ZBTB11: variants seen among roughly 807,000 people sequenced by gnomAD.
The protein encoded by ZBTB11 is zinc finger and BTB domain-containing protein 11.
Under a neutral mutation model 113.1 loss-of-function variants are expected in ZBTB11, and 68 were observed. That is an observed-to-expected ratio of 0.60 (90% CI 0.49 to 0.74). The LOEUF is 0.74. Ranked by LOEUF, ZBTB11 falls within the 30% of genes least tolerant of loss-of-function variation. ZBTB11 has a pLI of 0.00. For missense variants in ZBTB11, 1,104 were observed against 1,279.4 expected (o/e 0.86, Z 2.09); for synonymous variants, 518 against 452.6 (o/e 1.14, Z -1.83).
Position 101,656,260 on chromosome 3 carries a change from CA to C in ZBTB11, c.2047-13del, listed in dbSNP as rs753373052. 9.7e-6 allele frequency: 14 copies of C among 1,449,554 alleles called. No homozygotes were observed. The highest frequency in any genetic ancestry group is 1.0e-5 in the Non-Finnish European group (11 of 1,095,162). The allele number at this position is 1,449,554 out of a possible 1,614,324, so 89.8% of individuals were successfully genotyped here. ...GTCTTTCCACAGACCTAAGATAGAA[CA>C]GGGGTGATTAAGTCAATAAAACAAA... is the stretch of plus-strand genomic sequence containing the variant. On this transcript the variant is annotated splice_polypyrimidine_tract_variant and intron_variant, in intron 6 of 10. Transcript: ENST00000312938.
intron 2 of ZBTB11, 127 bp downstream of exon 2, chr3:101,671,851 A>C: frequency 1.4e-6 from 1 of 736,336 alleles, no homozygotes; most frequent in Non-Finnish European, 2.4e-6. Flanking sequence ...CTTATATAAC[A>C]CAGTACACTG....
Position 101,665,254 on chromosome 3 carries a change from T to G in ZBTB11, c.1333A>C (p.Asn445His), listed in dbSNP as rs980890503. The G allele has an allele frequency of 1.7e-5, 28 of 1,614,222 alleles. No homozygotes were observed. The Middle Eastern group carries it at 4.9e-4, about 29-fold the overall frequency. The change falls in exon 4 of 11, where the codon AAT becomes CAT. Residue 445 changes from asparagine to histidine, a missense_variant. Coordinates refer to ENST00000312938, the MANE Select transcript of ZBTB11 (RefSeq NM_014415.4). ...SNIHPKLSKE[N>H]VISSSPEDSG... ...TCCTCTGGCGAGCTACTAATTACAT[T>G]CTCTTTTGAAAGTTTAGGGTGTATA...
intron 3 of ZBTB11, among the ~76,000 whole-genome samples, chr3:101,669,039 T>A (rs968497179): frequency 6.6e-6 from 1 of 152,024 alleles, no homozygotes; most frequent in Non-Finnish European, 1.5e-5. Flanking sequence ...GATAAAATTT[T>A]TTTTTGTGGC....
chr3:101,659,431 T>C (rs954555700), intron 6 of ZBTB11, among the ~76,000 whole-genome samples: 1 of 152,238 alleles, frequency 6.6e-6, no homozygotes, highest in African/African-American at 2.4e-5. Context: ...GCAGGACTTT[T>C]ACGGACCACA....
Position 101,676,657 on chromosome 3 carries a change from G to T in ZBTB11, c.258C>A (p.His86Gln), listed in dbSNP as rs1326342074. ...AGTGCCAGGTCTGATGCCGGGTGTG[G>T]TGAGTGCCGCCGGGACCCAGGTGCG... ...EAAHLGPGGT[H>Q]HTRHQTWHYL... Residue 86 changes from histidine (H) to glutamine (Q), a missense_variant, in exon 1 of 11, where the codon CAC becomes CAA. His to Gln is a conservative substitution (Grantham distance 24). Transcript: ENST00000312938. 1 of 1,582,322 alleles carries T rather than the reference G, an allele frequency of 6.3e-7. No homozygotes were observed.
intron 8 of ZBTB11, among the ~76,000 whole-genome samples, chr3:101,653,880 G>C (rs185484170): frequency 9.2e-5 from 14 of 152,250 alleles, no homozygotes; most frequent in African/African-American, 3.4e-4. Context: ...AAAAGCAAAA[G>C]AGAGAGCTTC....
rs1937171679 is a variant in ZBTB11, at chr3:101,676,335, C to T, written c.310+270G>A. The T allele has an allele frequency of 2.3e-5, 8 of 349,588 alleles. No individual in the cohort carries two copies. In the East Asian group the frequency reaches 3.1e-4, roughly 13 times the overall value. 21.7% of individuals were successfully genotyped at this position (349,588 alleles called of 1,614,324 possible). On this transcript the variant is annotated intron_variant, in intron 1 of 10. Coordinates refer to ENST00000312938, the MANE Select transcript of ZBTB11 (RefSeq NM_014415.4). ...GGCGGACCTGGCGCAGCCCAGGCGT[C>T]CGGCCCCTCCCCGCGGCTGGCCCGG...
chr3:101,663,026 G>A (rs559044061), intron 5 of ZBTB11, among the ~76,000 whole-genome samples: 242 of 150,872 alleles, frequency 1.6e-3, no homozygotes, highest in African/African-American at 5.6e-3. Context: ...TGCAAGCTCC[G>A]CCTCCCGTGT....
At position 101,651,025 on chromosome 3, in the gene ZBTB11, T is replaced by C; in HGVS notation, c.*141A>G. The C allele has an allele frequency of 2.1e-6, 2 of 959,586 alleles. No individual in the cohort carries two copies. Among genetic ancestry groups the C allele is most frequent in the Admixed American group, 3.0e-5 (1 of 32,840 alleles). 59.4% of individuals were successfully genotyped at this position (959,586 alleles called of 1,614,324 possible). The stretch of plus-strand genomic sequence containing the variant: ...TATAGAACCCATTGGCCAGACAAAA[T>C]GTTTGGAAACGTTACGTTACCAAAC... On this transcript the variant is annotated 3_prime_UTR_variant, in exon 11 of 11. Transcript: ENST00000312938.
chr3:101,652,321 G>C (rs931503942), intron 10 of ZBTB11, among the ~76,000 whole-genome samples, 175 bp downstream of exon 10: 71 of 152,220 alleles, frequency 4.7e-4, no homozygotes, highest in African/African-American at 1.7e-3. Flanking sequence ...ACTAAAAAAG[G>C]AATCTATTTA....
Position 101,676,896 on chromosome 3 carries a change from A to T in ZBTB11, c.19T>A (p.Tyr7Asn). Residue 7 changes from tyrosine (Y) to asparagine (N), a missense_variant, in exon 1 of 11, where the codon TAC becomes AAC. Tyr to Asn is a moderately radical substitution (Grantham distance 143). Transcript: ENST00000312938. ...GTCAGGTAACGCAGGATGGCCCGGT[A>T]GCTTTCCTCGCTTGACATCGCGGAC... MSSEESYRAILRYLTNE... is the reference protein window; with the variant it reads MSSEESNRAILRYLTNE... The T allele has an allele frequency of 6.3e-7, 1 of 1,580,618 alleles. No homozygotes were observed.
At chr3:101,675,804 C>A (rs1363066913) in intron 1 of ZBTB11, among the ~76,000 whole-genome samples, 4 of 152,098 alleles carry the variant, frequency 2.6e-5, no homozygotes, top group African/African-American at 9.7e-5. Flanking sequence ...TTCAGAGTTA[C>A]GAATATCAAG....
In ZBTB11 at chr3:101,655,079, T is replaced by C. The variant is rs192462201; in HGVS notation, c.2192-258A>G. 5.9e-5 allele frequency among the ~76,000 whole-genome samples: 9 copies of C among 152,314 alleles called. No homozygotes were observed. The East Asian group carries it at 1.7e-3, about 29-fold the overall frequency. On this transcript the variant is annotated intron_variant, in intron 7 of 10. Transcript: ENST00000312938. ...TTTTTAGTAGAGACGGGTTTCACCATGTTAGCCAGGAGCGTCTCGATGTCA... is the reference window on the plus strand; with the variant it reads ...TTTTTAGTAGAGACGGGTTTCACCACGTTAGCCAGGAGCGTCTCGATGTCA...
intron 7 of ZBTB11, among the ~76,000 whole-genome samples, chr3:101,655,546 T>C (rs1434425137): frequency 1.3e-5 from 2 of 152,246 alleles, no homozygotes; most frequent in Non-Finnish European, 2.9e-5. Context: ...GATCATTTCT[T>C]TATGACTGGA....
chr3:101,658,249 G>A (rs1289549194), intron 6 of ZBTB11, among the ~76,000 whole-genome samples: 2 of 147,710 alleles, frequency 1.4e-5, no homozygotes, highest in Non-Finnish European at 3.0e-5. Context: ...TTTTTGAGAC[G>A]GAGTCTCACT....
intron 3 of ZBTB11, among the ~76,000 whole-genome samples, chr3:101,669,652 A>T (rs891600998): frequency 4.6e-5 from 7 of 151,962 alleles, no homozygotes; most frequent in African/African-American, 1.7e-4. Flanking sequence ...TGTAAGACGT[A>T]TTTTCTCCTT....
At chr3:101,660,507 A>C (rs1010610011) in intron 5 of ZBTB11, among the ~76,000 whole-genome samples, 1 of 152,240 alleles carries the variant, frequency 6.6e-6, no homozygotes, top group African/African-American at 2.4e-5. Flanking sequence ...AACAATAAGT[A>C]CAACTGGTCT....
chr3:101,672,182 T>C lies in ZBTB11; in HGVS notation c.342A>G (p.Lys114=), dbSNP rs1291546113. 3.1e-6 allele frequency: 5 copies of C among 1,609,630 alleles called. No homozygotes were observed. The highest frequency in any genetic ancestry group is 2.5e-6 in the Non-Finnish European group (3 of 1,178,202). ...GILKQVKDYI[K]QCSKCQEKLD... ...GTTTCTCCTGGCATTTGCTACACTG[T>C]TTAATGTAATCTTTGACTTGCTTCA... Residue 114 remains lysine, a synonymous_variant, in exon 2 of 11, where the codon AAA becomes AAG. Transcript: ENST00000312938.
chr3:101,657,023 C>G (rs1003475307), intron 6 of ZBTB11, among the ~76,000 whole-genome samples: 8 of 151,184 alleles, frequency 5.3e-5, no homozygotes, highest in Non-Finnish European at 1.0e-4. Context: ...CATCTGTAAT[C>G]CCAACTACTC....
Sources: gnomAD v4.1 joint callset for allele counts (sites outside exome capture counted in the v4.1 genomes callset) on GRCh38, gnomAD v4.1.1 for gene constraint, MANE v1.5 for transcripts, NCBI Gene and HGNC (gene_info 2026-07-23, HGNC 2026-07-21) for gene names.